The following KCNH8 variants were observed in gnomAD, a reference collection of about 807,000 sequenced individuals.
KCNH8 encodes potassium voltage-gated channel subfamily H member 8.
Under a neutral mutation model 103.6 loss-of-function variants are expected in KCNH8, and 70 were observed. The ratio of observed to expected loss-of-function variants is 0.68; its 90% CI spans 0.56 to 0.82. KCNH8 has a LOEUF of 0.82. KCNH8 is among the 40% of genes least tolerant of loss of function. The pLI, the probability that KCNH8 is intolerant of heterozygous loss-of-function variation, is 0.00. For synonymous variants in KCNH8, 498 were observed against 489.4 expected, an observed-to-expected ratio of 1.02 and a Z score of -0.23; for missense variants, 1,217 against 1,329.9, an observed-to-expected ratio of 0.92 and a Z score of 1.32.
intron 7 of KCNH8, among the ~76,000 whole-genome samples, chr3:19,396,963 T>C (rs1683989263): frequency 6.6e-6 from 1 of 151,980 alleles, no homozygotes; most frequent in African/African-American, 2.4e-5. Flanking sequence ...TTTGTAAGTC[T>C]CGTCTGGTCT....
chr3:19,402,376 C>T (rs1054501454), intron 7 of KCNH8, among the ~76,000 whole-genome samples: 2 of 151,782 alleles, frequency 1.3e-5, no homozygotes, highest in Non-Finnish European at 2.9e-5. Context: ...TATCATCCTA[C>T]AGTAAATCTA....
intron 15 of KCNH8, among the ~76,000 whole-genome samples, chr3:19,525,634 G>A (rs1036139942): frequency 2.6e-5 from 4 of 151,946 alleles, no homozygotes; most frequent in Non-Finnish European, 5.9e-5. Context: ...GAAACTCAAC[G>A]AAGCTATTGA....
At chr3:19,316,355 T>G (rs1032987819) in intron 3 of KCNH8, among the ~76,000 whole-genome samples, 3 of 151,962 alleles carry the variant, frequency 2.0e-5, no homozygotes, top group African/African-American at 7.2e-5. Flanking sequence ...ATCCCCTTAG[T>G]GGTAAAATCT....
At chr3:19,235,120 G>C (rs2064047305) in intron 1 of KCNH8, among the ~76,000 whole-genome samples, 1 of 152,134 alleles carries the variant, frequency 6.6e-6, no homozygotes, top group Non-Finnish European at 1.5e-5. Flanking sequence ...ACTCTTGTTT[G>C]TATCAATTAG....
chr3:19,190,536 C>A (rs929751502), intron 1 of KCNH8, among the ~76,000 whole-genome samples: 1 of 151,884 alleles, frequency 6.6e-6, no homozygotes, highest in Non-Finnish European at 1.5e-5. Context: ...AATATATAAA[C>A]CTGGCTGCTT....
chr3:19,472,156 G>T (rs1472964868), intron 11 of KCNH8, among the ~76,000 whole-genome samples: 1 of 151,162 alleles, frequency 6.6e-6, no homozygotes, highest in African/African-American at 2.4e-5. Flanking sequence ...TACAAAGTAT[G>T]TGCTTGATGA....
intron 1 of KCNH8, among the ~76,000 whole-genome samples, chr3:19,206,037 C>G (rs781765019): frequency 4.0e-4 from 60 of 151,582 alleles, no homozygotes; most frequent in Admixed American, 1.8e-3. Context: ...AGCTTAGCTC[C>G]CATTTAGGAG....
chr3:19,453,099 A>G (rs2067475443), intron 10 of KCNH8, among the ~76,000 whole-genome samples: 1 of 152,172 alleles, frequency 6.6e-6, no homozygotes, highest in South Asian at 2.1e-4. Flanking sequence ...TAACTCAGAA[A>G]AAGAAAGTGA....
At chr3:19,308,669 T>C (rs2065162681) in intron 3 of KCNH8, among the ~76,000 whole-genome samples, 1 of 35,866 alleles carries the variant, frequency 2.8e-5, no homozygotes, top group African/African-American at 1.5e-4. Flanking sequence ...TCTCTCTCTC[T>C]CTCTCTCTCT....
intron 3 of KCNH8, among the ~76,000 whole-genome samples, chr3:19,304,457 A>T (rs1398597314): frequency 6.6e-6 from 1 of 152,148 alleles, no homozygotes; most frequent in Non-Finnish European, 1.5e-5. Context: ...TAAATATTTA[A>T]TATCTCTAAA....
chr3:19,386,292 G>A (rs2066355318), intron 5 of KCNH8, among the ~76,000 whole-genome samples: 1 of 151,944 alleles, frequency 6.6e-6, no homozygotes, highest in African/African-American at 2.4e-5. Flanking sequence ...AATACAATAA[G>A]GCAAACTGAT....
chr3:19,173,415 A>C (rs947982528), intron 1 of KCNH8, among the ~76,000 whole-genome samples: 1 of 152,190 alleles, frequency 6.6e-6, no homozygotes, highest in Non-Finnish European at 1.5e-5. Context: ...TGTGCCATAC[A>C]ATGTGCAAGG....
intron 2 of KCNH8, among the ~76,000 whole-genome samples, chr3:19,279,155 CT>C (rs2064720254): frequency 1.3e-5 from 2 of 152,118 alleles, no homozygotes; most frequent in Admixed American, 1.3e-4. Flanking sequence ...CCTGATGGCT[CT>C]TTTTGTTTCT....
At chr3:19,263,589 G>T (rs2064465234) in intron 2 of KCNH8, among the ~76,000 whole-genome samples, 1 of 152,102 alleles carries the variant, frequency 6.6e-6, no homozygotes, top group African/African-American at 2.4e-5. Flanking sequence ...AGCATGGTGG[G>T]TTTGGGTAGT....
chr3:19,443,733 C>CA (rs1559330323), intron 8 of KCNH8, among the ~76,000 whole-genome samples: 1 of 151,444 alleles, frequency 6.6e-6, no homozygotes. Flanking sequence ...GACACAAGAT[C>CA]AATATGCAAA....
intron 3 of KCNH8, among the ~76,000 whole-genome samples, chr3:19,292,220 T>A (rs1229795016): frequency 6.6e-6 from 1 of 152,222 alleles, no homozygotes; most frequent in Admixed American, 6.5e-5. Flanking sequence ...ATTCATTATG[T>A]GATAACAACA....
intron 1 of KCNH8, among the ~76,000 whole-genome samples, chr3:19,174,151 C>T (rs184339033): frequency 4.6e-5 from 7 of 151,842 alleles, no homozygotes; most frequent in African/African-American, 1.7e-4. Flanking sequence ...AACATTTTCC[C>T]CCTTGCTCTT....
chr3:19,382,659 A>G (rs757354188), intron 5 of KCNH8, among the ~76,000 whole-genome samples: 6 of 151,484 alleles, frequency 4.0e-5, no homozygotes, highest in Non-Finnish European at 5.9e-5. Flanking sequence ...AGTAGTAGTA[A>G]CAGCAGTAGT....
chr3:19,152,989 C>G lies in KCNH8; in HGVS notation c.76+4194C>G, dbSNP rs578125717. Among the ~76,000 whole-genome samples the G allele has an allele frequency of 4.7e-4, 71 of 151,752 alleles. No individual in the cohort carries two copies. The Middle Eastern group carries it at 0.01, about 22-fold the overall frequency. ...GAAATTTGTTAAAATTGAAATACTTCCTCTACAGAGGAAATTCTCAGTGGT... is the reference window on the plus strand; with the variant it reads ...GAAATTTGTTAAAATTGAAATACTTGCTCTACAGAGGAAATTCTCAGTGGT... On this transcript the variant is annotated intron_variant, in intron 1 of 15. Coordinates refer to ENST00000328405, the MANE Select transcript of KCNH8 (RefSeq NM_144633.3).
Sources: gnomAD v4.1 joint callset for allele counts (sites outside exome capture counted in the v4.1 genomes callset) on GRCh38, gnomAD v4.1.1 for gene constraint, MANE v1.5 for transcripts, NCBI Gene and HGNC (gene_info 2026-07-23, HGNC 2026-07-21) for gene names.